Variants in NCKAP5 observed in about 807,000 individuals in gnomAD.
NCKAP5 encodes the protein NCK associated protein 5, also known as nck-associated protein 5.
A neutral mutation model predicts 167.0 loss-of-function variants in NCKAP5; 92 were observed. That is an observed-to-expected ratio of 0.55 (90% CI 0.47 to 0.66). NCKAP5 has a LOEUF of 0.66. Ranked by LOEUF, NCKAP5 falls within the 30% of genes least tolerant of loss-of-function variation. The pLI is 0.00. For synonymous variants in NCKAP5, 891 were observed against 877.4 expected, an observed-to-expected ratio of 1.02 and a Z score of -0.27; for missense variants, 2,378 against 2,315.0, an observed-to-expected ratio of 1.03 and a Z score of -0.56.
intron 3 of NCKAP5, among the ~76,000 whole-genome samples, chr2:133,351,297 T>A (rs2150816763): frequency 1.3e-5 from 2 of 152,288 alleles, no homozygotes; most frequent in South Asian, 4.1e-4. Flanking sequence ...ATTTAATGAT[T>A]TAAAAACCAA....
chr2:132,794,031 C>T (rs749125531), intron 12 of NCKAP5, among the ~76,000 whole-genome samples: 3 of 151,384 alleles, frequency 2.0e-5, no homozygotes, highest in East Asian at 1.9e-4. Context: ...TAAACTCTGG[C>T]TTTCACTTGC....
chr2:133,058,115 T>A (rs1300409925), intron 6 of NCKAP5, among the ~76,000 whole-genome samples: 1 of 152,112 alleles, frequency 6.6e-6, no homozygotes, highest in Non-Finnish European at 1.5e-5. Flanking sequence ...TGTTGAGACC[T>A]ACTGCTTAGA....
chr2:133,160,172 C>A (rs2083729565), intron 5 of NCKAP5, among the ~76,000 whole-genome samples: 2 of 152,268 alleles, frequency 1.3e-5, no homozygotes, highest in Non-Finnish European at 2.9e-5. Flanking sequence ...AAGTCTGAGT[C>A]TGAAACTAAG....
intron 3 of NCKAP5, among the ~76,000 whole-genome samples, chr2:133,400,000 G>T (rs1229234862): frequency 2.0e-5 from 3 of 151,866 alleles, no homozygotes; most frequent in South Asian, 2.1e-4. Context: ...GATATTTTTG[G>T]CAAATAAAAC....
chr2:133,379,566 T>G (rs1686377580), intron 3 of NCKAP5, among the ~76,000 whole-genome samples: 1 of 152,230 alleles, frequency 6.6e-6, no homozygotes, highest in African/African-American at 2.4e-5. Context: ...ACTCCATGCC[T>G]GTATCTTTAC....
At chr2:133,101,826 G>A (rs1454854703) in intron 6 of NCKAP5, among the ~76,000 whole-genome samples, 2 of 152,142 alleles carry the variant, frequency 1.3e-5, no homozygotes, top group African/African-American at 4.8e-5. Context: ...GAGCTAAGTG[G>A]GAAAGGCTGT....
At chr2:133,104,340 C>T (rs575967846) in intron 6 of NCKAP5, among the ~76,000 whole-genome samples, 62 of 152,288 alleles carry the variant, frequency 4.1e-4, no homozygotes, top group African/African-American at 1.4e-3. Flanking sequence ...CATCAGTGAA[C>T]AGAAAACCGG....
chr2:132,708,178 A>C (rs529027542), intron 19 of NCKAP5, among the ~76,000 whole-genome samples: 39 of 151,982 alleles, frequency 2.6e-4, no homozygotes, highest in Non-Finnish European at 4.4e-4. Context: ...AGAAAAGGAG[A>C]CGGAAGAGTA....
chr2:132,690,994 T>C (rs1228473209), intron 19 of NCKAP5, among the ~76,000 whole-genome samples: 1 of 152,206 alleles, frequency 6.6e-6, no homozygotes, highest in Non-Finnish European at 1.5e-5. Context: ...AATTTCTAGA[T>C]CATGACTGTC....
At position 133,559,045 on chromosome 2, in the gene NCKAP5, C is replaced by T. The variant is rs1206983611; in HGVS notation, c.-62+5G>A. The T allele has an allele frequency of 6.6e-6, 1 of 152,060 alleles. No individual in the cohort carries two copies. The highest frequency in any genetic ancestry group is 1.5e-5 in the Non-Finnish European group (1 of 68,024). 9.4% of individuals were successfully genotyped at this position (152,060 alleles called of 1,614,324 possible). Reference sequence around the variant, plus strand: ...TATTATTAATAACGTATTAATACTACTTACATGTATTGTGAGTCTATTTTG... The same window carrying T: ...TATTATTAATAACGTATTAATACTATTTACATGTATTGTGAGTCTATTTTG... On this transcript the variant is annotated splice_donor_5th_base_variant and intron_variant, in intron 2 of 19. Coordinates refer to ENST00000409261, the MANE Select transcript of NCKAP5 (RefSeq NM_207363.3).
chr2:133,641,604 G>A, the NCKAP5 span, among the ~76,000 whole-genome samples: 2 of 152,250 alleles, frequency 1.3e-5, no homozygotes, highest in South Asian at 4.1e-4. Flanking sequence ...AGCTGATGAA[G>A]GCAAGCACGT....
intron 11 of NCKAP5, among the ~76,000 whole-genome samples, chr2:132,811,421 T>C (rs1402417739): frequency 6.6e-6 from 1 of 151,914 alleles, no homozygotes; most frequent in Non-Finnish European, 1.5e-5. Context: ...GAGCTCAGGC[T>C]CTCCTTGGGT....
chr2:132,973,097 G>A (rs1255657730), intron 7 of NCKAP5, among the ~76,000 whole-genome samples: 1 of 152,102 alleles, frequency 6.6e-6, no homozygotes, highest in Admixed American at 6.6e-5. Context: ...GCCTAGTTTT[G>A]TGTACAAAGG....
chr2:133,429,532 C>T (rs1471976747), intron 3 of NCKAP5, among the ~76,000 whole-genome samples: 2 of 152,064 alleles, frequency 1.3e-5, no homozygotes, highest in East Asian at 1.9e-4. Flanking sequence ...GTGTGCCCCC[C>T]AGATTTAGCT....
intron 7 of NCKAP5, among the ~76,000 whole-genome samples, chr2:132,977,199 T>A (rs1486102929): frequency 2.0e-5 from 3 of 152,178 alleles, no homozygotes; most frequent in African/African-American, 7.2e-5. Flanking sequence ...TCAGCAAATG[T>A]CCAATGCTGG....
chr2:132,983,477 T>C (rs905744404), intron 7 of NCKAP5, among the ~76,000 whole-genome samples: 4 of 152,166 alleles, frequency 2.6e-5, no homozygotes, highest in Non-Finnish European at 4.4e-5. Context: ...TTGAGGTATG[T>C]TCCTTCAATG....
chr2:133,671,186 G>A, the NCKAP5 span, among the ~76,000 whole-genome samples: 1 of 126,702 alleles, frequency 7.9e-6, no homozygotes, highest in Non-Finnish European at 1.5e-5. Flanking sequence ...TTGCACTCCA[G>A]CCTGGGCAAC....
chr2:133,536,692 T>C (rs916615620), intron 2 of NCKAP5, among the ~76,000 whole-genome samples: 1 of 152,030 alleles, frequency 6.6e-6, no homozygotes, highest in South Asian at 2.1e-4. Flanking sequence ...GAGTTTTTTT[T>C]ATATATTCTG....
intron 3 of NCKAP5, among the ~76,000 whole-genome samples, chr2:133,406,793 A>C (rs947446343): frequency 3.9e-5 from 6 of 152,166 alleles, no homozygotes; most frequent in African/African-American, 1.4e-4. Flanking sequence ...ATTCCCAGAA[A>C]ACACTGACTT....
Sources: allele counts gnomAD v4.1 joint callset (sites outside exome capture counted in the v4.1 genomes callset), GRCh38; gene constraint gnomAD v4.1.1; transcripts MANE v1.5; gene names NCBI Gene and HGNC (gene_info 2026-07-23, HGNC 2026-07-21).